The following SGIP1 variants were observed in gnomAD, a reference collection of about 807,000 sequenced individuals.
SGIP1 encodes SH3GL interacting endocytic adaptor 1.
A neutral mutation model predicts 107.5 loss-of-function variants in SGIP1; 38 were observed. That is an observed-to-expected ratio of 0.35 (90% confidence interval 0.27 to 0.46). The LOEUF (loss-of-function observed/expected upper bound fraction) is 0.46. Among genes scored for constraint, SGIP1 ranks in the 20% least tolerant of loss-of-function variants. The probability of loss-of-function intolerance (pLI) is 1.00; values close to 1 mark genes in which losing one functional copy is unlikely to be tolerated. For synonymous variants in SGIP1, 365 were observed against 366.1 expected (o/e 1.00, Z 0.03); for missense variants, 929 against 1,019.5 (o/e 0.91, Z 1.21).
intron 7 of SGIP1, chr1:66,660,172 AAAGAAAGAAAGAAAGAAAG>A (rs2081054729): frequency 1.3e-5 from 2 of 149,460 alleles, no homozygotes; most frequent in African/African-American, 8.5e-5. Context: ...AGAAAGAAAG[AAAGAAAGAAAGAAAGAAAG>A]AAAGAAAGAA....
chr1:66,599,950 C>A (rs746657810), intron 1 of SGIP1, among the ~76,000 whole-genome samples: 1 of 152,140 alleles, frequency 6.6e-6, no homozygotes, highest in Non-Finnish European at 1.5e-5. Flanking sequence ...GAAATGATCC[C>A]TGATACCATC....
chr1:66,701,651 T>C (rs2091923623), intron 18 of SGIP1, among the ~76,000 whole-genome samples: 1 of 152,230 alleles, frequency 6.6e-6, no homozygotes, highest in Non-Finnish European at 1.5e-5. Context: ...ATTTCAGTAG[T>C]ACACTTTACC....
At chr1:66,660,562 T>A in intron 8 of SGIP1, 38 bp downstream of exon 8, 1 of 1,581,734 alleles carries the variant, frequency 6.3e-7, no homozygotes, top group Non-Finnish European at 8.7e-7. Flanking sequence ...GGGCAAACAT[T>A]ATTTATTCTG....
At chr1:66,739,140 G>A (rs561873867) in intron 21 of SGIP1, among the ~76,000 whole-genome samples, 195 bp from the exon 22 acceptor site, 8 of 152,038 alleles carry the variant, frequency 5.3e-5, no homozygotes, top group South Asian at 2.1e-4. Flanking sequence ...AAGTGCCACC[G>A]AGACTCTAAT....
chr1:66,641,236 G>C (rs2076737869), intron 5 of SGIP1, among the ~76,000 whole-genome samples: 1 of 152,078 alleles, frequency 6.6e-6, no homozygotes, highest in Non-Finnish European at 1.5e-5. Flanking sequence ...ACTATGGAAG[G>C]TAACAGAAAT....
chr1:66,682,599 C>A (rs1477698179), intron 15 of SGIP1, among the ~76,000 whole-genome samples: 3 of 152,080 alleles, frequency 2.0e-5, no homozygotes, highest in African/African-American at 7.3e-5. Context: ...TAGGTGTGCC[C>A]TGCCATCCAC....
At chr1:66,563,070 A>C (rs2059177946) in intron 1 of SGIP1, among the ~76,000 whole-genome samples, 1 of 151,974 alleles carries the variant, frequency 6.6e-6, no homozygotes, top group Non-Finnish European at 1.5e-5. Flanking sequence ...GCCCTGAATT[A>C]TTGGAAACAT....
chr1:66,692,977 A>G (rs111376045), intron 17 of SGIP1, among the ~76,000 whole-genome samples: 3,126 of 152,292 alleles, frequency 0.021, 99 homozygotes, highest in African/African-American at 0.071. Context: ...TGAATTGAAG[A>G]CACCCTCGAT....
At position 66,750,359 on chromosome 1, in the gene SGIP1, T is replaced by C. The variant is rs562154298; in HGVS notation, c.*7264T>C. Among the ~76,000 whole-genome samples the C allele has an allele frequency of 2.8e-4, 42 of 152,336 alleles. No homozygotes were observed. Among genetic ancestry groups the C allele is most frequent in the African/African-American group, 9.9e-4 (41 of 41,584 alleles). On this transcript the variant is annotated 3_prime_UTR_variant, in exon 25 of 25. Transcript: ENST00000371037. ...GGCCATGTAAGGCATTGATTTTTTT[T>C]AAACTTGAACAATGCAAGAATCTAG...
chr1:66,631,082 A>AGAAT (rs1196674045), intron 2 of SGIP1, among the ~76,000 whole-genome samples: 1 of 143,508 alleles, frequency 7.0e-6, no homozygotes, highest in African/African-American at 2.5e-5. Flanking sequence ...AAAGAAAGAA[A>AGAAT]GAAAGAAAGA....
chr1:66,599,359 T>G (rs1353283542), intron 1 of SGIP1, among the ~76,000 whole-genome samples: 2 of 152,156 alleles, frequency 1.3e-5, no homozygotes, highest in East Asian at 3.8e-4. Context: ...TTGAAGAAAT[T>G]GAGATTTACA....
intron 16 of SGIP1, 137 bp from the exon 17 acceptor site, chr1:66,690,053 T>C (rs1025132684): frequency 1.0e-6 from 1 of 969,232 alleles, no homozygotes; most frequent in Non-Finnish European, 1.6e-6. Flanking sequence ...ATAGAATTAA[T>C]TTCAGTGTAA....
In SGIP1 at chr1:66,689,295, G is replaced by C; in HGVS notation, c.1443+20G>C. ...GATGTGGTATGTTCCCTTCTGCCCT[G>C]GCTTGCTCAGAAACAGTGAGAATGA... is the stretch of plus-strand genomic sequence containing the variant. On this transcript the variant is annotated intron_variant, in intron 16 of 24. Transcript: ENST00000371037. 1 of 1,609,174 alleles carries C rather than the reference G, an allele frequency of 6.2e-7. No individual in the cohort carries two copies. The highest frequency in any genetic ancestry group is 1.7e-5 in the Admixed American group (1 of 59,382).
At chr1:66,641,601 C>A (rs1194050575) in intron 5 of SGIP1, among the ~76,000 whole-genome samples, 1 of 152,142 alleles carries the variant, frequency 6.6e-6, no homozygotes, top group African/African-American at 2.4e-5. Flanking sequence ...CGTCTGATTT[C>A]TCTTATTTTC....
At chr1:66,704,377 A>C (rs1435575962) in intron 18 of SGIP1, 3 of 152,222 alleles carry the variant, frequency 2.0e-5, no homozygotes, top group East Asian at 3.9e-4. Flanking sequence ...ACCAGAGCCC[A>C]TTATTAAAGC....
intron 1 of SGIP1, among the ~76,000 whole-genome samples, chr1:66,577,860 G>T (rs2061297191): frequency 6.6e-6 from 1 of 150,916 alleles, no homozygotes; most frequent in Non-Finnish European, 1.5e-5. Flanking sequence ...TCAACCATAG[G>T]TTACATTTTG....
At chr1:66,570,038 T>G (rs1367723398) in intron 1 of SGIP1, among the ~76,000 whole-genome samples, 1 of 151,858 alleles carries the variant, frequency 6.6e-6, no homozygotes, top group African/African-American at 2.4e-5. Context: ...TTAATTATCC[T>G]TTTAATGTCC....
At chr1:66,576,659 A>G (rs2061110474) in intron 1 of SGIP1, among the ~76,000 whole-genome samples, 2 of 152,152 alleles carry the variant, frequency 1.3e-5, no homozygotes, top group African/African-American at 4.8e-5. Context: ...CTATCTGTTT[A>G]AATTTTCTAG....
chr1:66,678,231 G>C (rs907199856), intron 13 of SGIP1, among the ~76,000 whole-genome samples: 4 of 152,178 alleles, frequency 2.6e-5, no homozygotes, highest in African/African-American at 9.7e-5. Flanking sequence ...TTACAGACCT[G>C]AGCTATGCAA....
Sources: allele counts gnomAD v4.1 joint callset (sites outside exome capture counted in the v4.1 genomes callset), GRCh38; gene constraint gnomAD v4.1.1; transcripts MANE v1.5; gene names NCBI Gene and HGNC (gene_info 2026-07-23, HGNC 2026-07-21).